STK11IP: variants seen among roughly 807,000 people sequenced by gnomAD.
STK11IP encodes serine/threonine-protein kinase 11-interacting protein.
A neutral mutation model predicts 131.7 loss-of-function variants in STK11IP; 103 were observed. The ratio of observed to expected loss-of-function variants is 0.78; its 90% CI spans 0.67 to 0.92. The LOEUF (loss-of-function observed/expected upper bound fraction) is 0.92. STK11IP is among the 40% of genes least tolerant of loss of function. The pLI, the probability that STK11IP is intolerant of heterozygous loss-of-function variation, is 0.00. For synonymous variants in STK11IP, 557 were observed against 575.6 expected, an observed-to-expected ratio of 0.97 and a Z score of 0.46; for missense variants, 1,315 against 1,385.7, an observed-to-expected ratio of 0.95 and a Z score of 0.81.
intron 17 of STK11IP, among the ~76,000 whole-genome samples, chr2:219,610,398 A>AT (rs11358721): frequency 1.3e-5 from 2 of 149,116 alleles, no homozygotes; most frequent in African/African-American, 4.9e-5. Context: ...TTCTCCTTTA[A>AT]TTTTTTTTTT....
intron 13 of STK11IP, 61 bp downstream of exon 13, chr2:219,607,198 G>A: frequency 6.6e-7 from 1 of 1,508,684 alleles, no homozygotes; most frequent in Non-Finnish European, 9.2e-7. Context: ...TAATTTTTAA[G>A]TTACAGTGAA....
intron 20 of STK11IP, 31 bp downstream of exon 20, chr2:219,613,256 G>C (rs1378873694): frequency 1.5e-6 from 2 of 1,331,592 alleles, no homozygotes; most frequent in East Asian, 5.5e-5. Context: ...AGTGAGTAAG[G>C]GGGGAGATGG....
rs749836935 is a variant in STK11IP at position 219,616,000 on chromosome 2, G to A, written c.3118-44G>A. 3 of 1,603,820 alleles carry A rather than the reference G, an allele frequency of 1.9e-6. No homozygotes were observed. The South Asian group carries it at 3.4e-5, about 18-fold the overall frequency. On this transcript the variant is annotated intron_variant, in intron 24 of 24. Coordinates refer to ENST00000456909, the MANE Select transcript of STK11IP (RefSeq NM_052902.4). Reference sequence around the variant, plus strand: ...AGACCTCCCTTGTACCCACCCTGGTGTGGTCCCCATGAGCCTCGCCTTGCT... The same window carrying A: ...AGACCTCCCTTGTACCCACCCTGGTATGGTCCCCATGAGCCTCGCCTTGCT...
chr2:219,603,304 A>G (rs760150763), intron 7 of STK11IP, among the ~76,000 whole-genome samples: 6 of 151,922 alleles, frequency 3.9e-5, no homozygotes, highest in Non-Finnish European at 8.8e-5. Context: ...GGCCTCCCAA[A>G]ATGCTGGGAT....
At chr2:219,598,019 G>A (rs1191117990) in intron 1 of STK11IP, 75 bp from the exon 2 acceptor site, 3 of 1,574,706 alleles carry the variant, frequency 1.9e-6, no homozygotes, top group South Asian at 2.3e-5. Flanking sequence ...ATGACGCCTC[G>A]GTTTGCGCGG....
chr2:219,614,893 G>A (rs531698001), intron 23 of STK11IP: 3 of 655,018 alleles, frequency 4.6e-6, no homozygotes, highest in Non-Finnish European at 7.8e-6. Context: ...GCAGTGGGGG[G>A]CGGTAGGCCT....
chr2:219,598,125 G>A lies in STK11IP; in HGVS notation c.6G>A (p.Thr2=). The change falls in exon 2 of 25, where the codon ACG becomes ACA. Residue 2 remains threonine, a synonymous_variant. Coordinates refer to ENST00000456909, the MANE Select transcript of STK11IP (RefSeq NM_052902.4). ...CCCCCCAGCGTCCCGTGGCCATGAC[G>A]ACCGCTCAGAGGGACTCCCTGTTGT... M[T]TAQRDSLLWK... 6.3e-7 allele frequency: 1 copy of A among 1,591,966 alleles called. No individual in the cohort carries two copies. The highest frequency in any genetic ancestry group is 8.5e-7 in the Non-Finnish European group (1 of 1,169,784).
Position 219,609,432 on chromosome 2 carries a change from C to T in STK11IP, c.1996C>T (p.Leu666=). The change falls in exon 17 of 25, where the codon CTG becomes TTG. Residue 666 remains leucine, a synonymous_variant. Transcript: ENST00000456909. ...REQLGEARDL[L]LGRFQCLRCG... The stretch of plus-strand genomic sequence containing the variant: ...ACAGCTTGGGGAGGCCAGGGACCTC[C>T]TGCTGGGTAGATTCCAGTGTCTACG... 9.9e-6 allele frequency: 16 copies of T among 1,612,926 alleles called. No individual in the cohort carries two copies. The highest frequency in any genetic ancestry group is 1.4e-5 in the Non-Finnish European group (16 of 1,179,622).
chr2:219,609,539 A>T lies in STK11IP; in HGVS notation c.2103A>T (p.Thr701=). 6.4e-7 allele frequency: 1 copy of T among 1,560,644 alleles called. No homozygotes were observed. The highest frequency in any genetic ancestry group is 8.7e-7 in the Non-Finnish European group (1 of 1,151,874). Reference sequence around the variant, plus strand: ...GCTGGAGGCCTCTGTTCCAAAAGACAGGTACAAGTCCTGCCCTTGACCTCT... The same window carrying T: ...GCTGGAGGCCTCTGTTCCAAAAGACTGGTACAAGTCCTGCCCTTGACCTCT... ...EEGWRPLFQK[T]ESPAVCPNCG... is the part of the protein sequence containing the mutation. The change falls in exon 17 of 25, where the codon ACA becomes ACT. Residue 701 remains threonine (T), a splice_region_variant and synonymous_variant. Coordinates refer to ENST00000456909, the MANE Select transcript of STK11IP (RefSeq NM_052902.4).
rs1433372389 is a variant in STK11IP, at chr2:219,612,203, G to A, written c.2439+145G>A. 2.3e-5 allele frequency: 16 copies of A among 706,622 alleles called. 1 individual carries two copies. The highest frequency in any genetic ancestry group is 1.6e-4 in the East Asian group (6 of 36,566). 43.8% of individuals were successfully genotyped at this position (706,622 alleles called of 1,614,324 possible). ...CCCAGCAGCTTCTTGCTGTGTGGCC[G>A]TGGACACATTCCCTGGTATTTGAGT... is the stretch of plus-strand genomic sequence containing the variant. On this transcript the variant is annotated intron_variant, in intron 19 of 24. Coordinates refer to ENST00000456909, the MANE Select transcript of STK11IP (RefSeq NM_052902.4).
intron 17 of STK11IP, 25 bp downstream of exon 17, chr2:219,609,565 C>A: frequency 6.4e-7 from 1 of 1,552,156 alleles, no homozygotes; most frequent in South Asian, 1.2e-5. Context: ...CTTGACCTCT[C>A]TGCCCACACG....
chr2:219,601,479 C>T (rs1697981581), intron 3 of STK11IP, 39 bp downstream of exon 3: 1 of 1,604,634 alleles, frequency 6.2e-7, no homozygotes, highest in South Asian at 1.1e-5. Context: ...TGCAAGGAGC[C>T]CAAGAGAATG....
In STK11IP at chr2:219,607,127, C is replaced by G; in HGVS notation, c.1209C>G (p.Pro403=). 5 of 1,613,930 alleles carry G rather than the reference C, an allele frequency of 3.1e-6. No individual in the cohort carries two copies. The Middle Eastern group carries it at 8.2e-4, about 266-fold the overall frequency. The change falls in exon 13 of 25, where the codon CCC becomes CCG. Residue 403 remains proline, a synonymous_variant. Coordinates refer to ENST00000456909, the MANE Select transcript of STK11IP (RefSeq NM_052902.4). ...DTDPEPRTLN[P]SPAGWFVQQH... is the part of the protein sequence containing the mutation. ...ACCCGGAGCCCCGAACTCTGAACCC[C>G]TCTCCGGCTGGTAAGTCAGCTTCAT...
At position 219,597,936 on chromosome 2, in the gene STK11IP, A is replaced by G; in HGVS notation, c.-27+13A>G. 2.5e-6 allele frequency: 4 copies of G among 1,612,120 alleles called. No homozygotes were observed. The highest frequency in any genetic ancestry group is 3.4e-6 in the Non-Finnish European group (4 of 1,179,116). ...ACGGGGAGGTTCGGTATGTCTGACCAGGACTTATGTTCCTCGAAAGGGCGG... is the reference window on the plus strand; with the variant it reads ...ACGGGGAGGTTCGGTATGTCTGACCGGGACTTATGTTCCTCGAAAGGGCGG... On this transcript the variant is annotated intron_variant, in intron 1 of 24. Coordinates refer to ENST00000456909, the MANE Select transcript of STK11IP (RefSeq NM_052902.4).
chr2:219,605,049 C>T (rs532685600), intron 7 of STK11IP, among the ~76,000 whole-genome samples: 7 of 152,270 alleles, frequency 4.6e-5, no homozygotes, highest in African/African-American at 1.4e-4. Context: ...AGGTGAGTCT[C>T]GAACTCCTGG....
chr2:219,604,568 A>C (rs1285339286), intron 7 of STK11IP, among the ~76,000 whole-genome samples: 1 of 152,204 alleles, frequency 6.6e-6, no homozygotes, highest in African/African-American at 2.4e-5. Context: ...GGACATTTCT[A>C]TGGAAACAAA....
chr2:219,601,927 G>C, intron 4 of STK11IP, 61 bp from the exon 5 acceptor site: 2 of 1,448,932 alleles, frequency 1.4e-6, no homozygotes, highest in South Asian at 2.4e-5. Context: ...CTAGGGGATG[G>C]GGATGAGGTC....
intron 2 of STK11IP, among the ~76,000 whole-genome samples, chr2:219,598,958 G>C (rs1457134458): frequency 1.3e-5 from 2 of 152,226 alleles, no homozygotes; most frequent in African/African-American, 4.8e-5. Context: ...CTCTTTGAGA[G>C]ATTCTGAGAA....
At chr2:219,604,029 C>T (rs781489088) in intron 7 of STK11IP, among the ~76,000 whole-genome samples, 3 of 151,964 alleles carry the variant, frequency 2.0e-5, no homozygotes, top group Non-Finnish European at 4.4e-5. Flanking sequence ...CACATGAAGC[C>T]CTTCTGGGTT....
Sources: allele counts gnomAD v4.1 joint callset (sites outside exome capture counted in the v4.1 genomes callset), GRCh38; gene constraint gnomAD v4.1.1; transcripts MANE v1.5; gene names NCBI Gene and HGNC (gene_info 2026-07-23, HGNC 2026-07-21).